The following RBFOX1 variants were observed in gnomAD, a reference collection of about 807,000 sequenced individuals.
RBFOX1 encodes RNA binding fox-1 homolog 1.
RBFOX1 carries 8 observed loss-of-function variants against 57.7 expected under a neutral mutation model. The observed-to-expected ratio is 0.14, with a 90% CI of 0.08 to 0.25. RBFOX1 has a LOEUF of 0.25. Ranked by LOEUF, RBFOX1 falls within the 10% of genes least tolerant of loss-of-function variation. The pLI is 1.00. For synonymous variants in RBFOX1, 326 were observed against 222.4 expected (o/e 1.47, Z -4.15); for missense variants, 611 against 548.5 (o/e 1.11, Z -1.14).
At chr16:6,948,641 C>G (rs570712570) in intron 3 of RBFOX1, among the ~76,000 whole-genome samples, 5 of 152,104 alleles carry the variant, frequency 3.3e-5, no homozygotes, top group South Asian at 2.1e-4. Flanking sequence ...CTTGGCCTCC[C>G]AAAGTGCTGG....
chr16:6,182,655 AAT>A (rs1345204754), intron 1 of RBFOX1, among the ~76,000 whole-genome samples: 3 of 152,162 alleles, frequency 2.0e-5, no homozygotes, highest in Non-Finnish European at 4.4e-5. Flanking sequence ...TGTGATTTTA[AAT>A]ATGTTTTAAA....
intron 5 of RBFOX1, among the ~76,000 whole-genome samples, chr16:7,577,014 G>A (rs1035078497): frequency 1.3e-5 from 2 of 152,130 alleles, no homozygotes; most frequent in Non-Finnish European, 2.9e-5. Context: ...ACCAAACCTC[G>A]TATTCTCAGC....
At chr16:6,297,572 A>G (rs1241523081) in intron 1 of RBFOX1, among the ~76,000 whole-genome samples, 1 of 152,152 alleles carries the variant, frequency 6.6e-6, no homozygotes, top group African/African-American at 2.4e-5. Flanking sequence ...AATACTGGGT[A>G]GAAGAGGGCA....
At chr16:7,632,675 G>T (rs1033519929) in intron 11 of RBFOX1, among the ~76,000 whole-genome samples, 1 of 152,078 alleles carries the variant, frequency 6.6e-6, no homozygotes, top group Non-Finnish European at 1.5e-5. Context: ...CATAGGGCTG[G>T]GTCCTAGAGT....
intron 4 of RBFOX1, among the ~76,000 whole-genome samples, chr16:7,221,946 G>C (rs916495479): frequency 2.0e-5 from 3 of 152,200 alleles, no homozygotes; most frequent in Non-Finnish European, 4.4e-5. Context: ...TGCAGAAGAG[G>C]CTTCTAAGTC....
chr16:5,348,104 A>C (rs537213263), intron 1 of RBFOX1, among the ~76,000 whole-genome samples: 2 of 95,474 alleles, frequency 2.1e-5, no homozygotes, highest in African/African-American at 4.2e-5. Context: ...TCACCCACCC[A>C]CCCTTCTGTC....
intron 2 of RBFOX1, among the ~76,000 whole-genome samples, chr16:6,480,050 G>GACA (rs1555494336): frequency 8.4e-6 from 1 of 119,754 alleles, no homozygotes; most frequent in Admixed American, 8.8e-5. Context: ...ACTCCACCTC[G>GACA]AAAAAAAAAA....
At chr16:7,278,858 C>A (rs1400775453) in intron 4 of RBFOX1, among the ~76,000 whole-genome samples, 1 of 152,136 alleles carries the variant, frequency 6.6e-6, no homozygotes, top group African/African-American at 2.4e-5. Context: ...CTGTCTTGTT[C>A]TCAGCCTAAA....
At chr16:6,301,495 C>G (rs1467979275) in intron 1 of RBFOX1, among the ~76,000 whole-genome samples, 1 of 152,032 alleles carries the variant, frequency 6.6e-6, no homozygotes, top group East Asian at 1.9e-4. Flanking sequence ...TAACTTGGAA[C>G]ATTATGAGAT....
rs2098662770 is a variant in RBFOX1, at chr16:6,657,079, TTTC to T, written c.-16+2430_-16+2432del. 5.0e-5 allele frequency among the ~76,000 whole-genome samples: 6 copies of T among 120,510 alleles called. 1 individual carries two copies. In the South Asian group the frequency reaches 1.3e-3, roughly 26 times the overall value. The allele number at this position is 120,510 out of a possible 152,430, so 79.1% of individuals were successfully genotyped here. ...TCCCCTTTCCTCTCCTCTCCTCCCC[TTTC>T]CTCTCCTCCCCTTTACTCTCCTCTC... is the stretch of plus-strand genomic sequence containing the variant. On this transcript the variant is annotated intron_variant, in intron 3 of 15. Coordinates refer to ENST00000550418, the MANE Select transcript of RBFOX1 (RefSeq NM_018723.4).
At position 6,798,365 on chromosome 16, in the gene RBFOX1, C is replaced by A. The variant is rs568820964; in HGVS notation, c.-16+143715C>A. Among the ~76,000 whole-genome samples the A allele has an allele frequency of 9.8e-4, 149 of 152,094 alleles. 1 individual carries two copies. Among genetic ancestry groups the A allele is most frequent in the Admixed American group, 1.6e-3 (25 of 15,266 alleles). On this transcript the variant is annotated intron_variant, in intron 3 of 15. Coordinates refer to ENST00000550418, the MANE Select transcript of RBFOX1 (RefSeq NM_018723.4). ...TTGAGAATTGATGGATTTGGGCAAA[C>A]GTGAAAGCCATTCTGAGACAGAAGA... is the stretch of plus-strand genomic sequence containing the variant.
intron 2 of RBFOX1, among the ~76,000 whole-genome samples, chr16:5,574,959 A>G (rs1443630026): frequency 6.6e-6 from 1 of 152,146 alleles, no homozygotes; most frequent in Admixed American, 6.5e-5. Flanking sequence ...GGCTGCACAG[A>G]AGCCACTGTG....
At chr16:6,841,715 C>A (rs534494776) in intron 3 of RBFOX1, among the ~76,000 whole-genome samples, 1 of 152,070 alleles carries the variant, frequency 6.6e-6, no homozygotes, top group Non-Finnish European at 1.5e-5. Context: ...GGCACATGAA[C>A]CCTCTAAGAA....
At chr16:5,370,726 C>G (rs1434641230) in intron 1 of RBFOX1, among the ~76,000 whole-genome samples, 1 of 152,088 alleles carries the variant, frequency 6.6e-6, no homozygotes, top group African/African-American at 2.4e-5. Context: ...CACCTAGACT[C>G]AAACTGTTCT....
intron 2 of RBFOX1, among the ~76,000 whole-genome samples, chr16:6,515,586 A>ATTTATTTCTAAAAAAT: frequency 6.6e-6 from 1 of 152,224 alleles, no homozygotes; most frequent in African/African-American, 2.4e-5. Flanking sequence ...TTTTTTCTAA[A>ATTTATTTCTAAAAAAT]GAAGCCTTTT....
chr16:6,985,891 G>C (rs959706446), intron 3 of RBFOX1, among the ~76,000 whole-genome samples: 1 of 141,552 alleles, frequency 7.1e-6, no homozygotes, highest in African/African-American at 2.6e-5. Context: ...TTTTTTTGCA[G>C]GACTTCTTTG....
At chr16:6,545,540 T>A (rs1434772486) in intron 2 of RBFOX1, among the ~76,000 whole-genome samples, 2 of 152,198 alleles carry the variant, frequency 1.3e-5, no homozygotes, top group African/African-American at 4.8e-5. Flanking sequence ...TCCACTCTTA[T>A]GTCACATCTC....
chr16:7,323,928 G>C (rs1366769537), intron 4 of RBFOX1, among the ~76,000 whole-genome samples: 4 of 142,928 alleles, frequency 2.8e-5, no homozygotes, highest in African/African-American at 1.1e-4. Context: ...AGACGGATGG[G>C]TGGATGATGA....
intron 2 of RBFOX1, among the ~76,000 whole-genome samples, chr16:6,517,389 T>C (rs2096401555): frequency 6.6e-6 from 1 of 152,152 alleles, no homozygotes; most frequent in South Asian, 2.1e-4. Context: ...CAATTAATCT[T>C]AGGCATGACA....
Sources: allele counts gnomAD v4.1 joint callset (sites outside exome capture counted in the v4.1 genomes callset), GRCh38; gene constraint gnomAD v4.1.1; transcripts MANE v1.5; gene names NCBI Gene and HGNC (gene_info 2026-07-23, HGNC 2026-07-21).